Variants in TNS2 observed in about 807,000 individuals in gnomAD.
TNS2 encodes tensin-2.
Under a neutral mutation model 155.7 loss-of-function variants are expected in TNS2, and 77 were observed. That is an observed-to-expected ratio of 0.49 (90% CI 0.41 to 0.60). TNS2 has a LOEUF of 0.60. Ranked by LOEUF, TNS2 falls within the 20% of genes least tolerant of loss-of-function variation. TNS2 has a pLI of 0.00. For synonymous variants in TNS2, 726 were observed against 763.9 expected (o/e 0.95, Z 0.82); for missense variants, 1,703 against 1,868.8 (o/e 0.91, Z 1.64).
intron 1 of TNS2, among the ~76,000 whole-genome samples, chr12:53,051,288 G>A (rs1199789228): frequency 6.6e-6 from 1 of 152,158 alleles, no homozygotes; most frequent in African/African-American, 2.4e-5. Context: ...CACAATTGCT[G>A]TCTGCTGCCT....
rs1379437451 is a variant in TNS2 at position 53,060,801 on chromosome 12, G to T, written c.2895G>T (p.Gly965=). 2 of 1,611,718 alleles carry T rather than the reference G, an allele frequency of 1.2e-6. No homozygotes were observed. Among genetic ancestry groups the T allele is most frequent in the South Asian group, 2.2e-5 (2 of 90,938 alleles). The stretch of plus-strand genomic sequence containing the variant: ...CCCCTGAGCTGCCGTCGGGAAGTGG[G>T]CCTGAGCCTCTGGCCCCTAGCCCAG... ...GKAPELPSGS[G]PEPLAPSPVS... The change falls in exon 20 of 29, where the codon GGG becomes GGT. Residue 965 remains glycine (G), a synonymous_variant. Transcript: ENST00000314250. The surrounding 1 kb of genome is among the most constrained non-coding windows in gnomAD (Gnocchi z 6.1).
rs768928439 is a variant in TNS2 at position 53,055,808 on chromosome 12, G to A, written c.724G>A (p.Val242Ile). The A allele has an allele frequency of 5.6e-6, 9 of 1,614,144 alleles. No individual in the cohort carries two copies. Among genetic ancestry groups the A allele is most frequent in the South Asian group, 2.2e-5 (2 of 91,078 alleles). The change falls in exon 10 of 29, where the codon GTT becomes ATT. Residue 242 changes from valine (V) to isoleucine (I), a missense_variant. Physicochemically the swap from Val to Ile is conservative, Grantham distance 29. Transcript: ENST00000314250. ...KGNKGKLGVI[V>I]SAYMHYSKIS... ...AAACAAGGGCAAGCTTGGGGTCATCGTTTCTGCCTACATGCACTACAGCAA... is the reference window on the plus strand; with the variant it reads ...AAACAAGGGCAAGCTTGGGGTCATCATTTCTGCCTACATGCACTACAGCAA...
At position 53,059,673 on chromosome 12, in the gene TNS2, A is replaced by T; in HGVS notation, c.2032A>T (p.Ile678Phe). The change falls in exon 18 of 29, where the codon ATC becomes TTC. Residue 678 changes from isoleucine to phenylalanine, a missense_variant. Ile to Phe is a conservative substitution (Grantham distance 21, BLOSUM62 0). Coordinates refer to ENST00000314250, the MANE Select transcript of TNS2 (RefSeq NM_170754.4). This position sits in a 1 kb window ranked among gnomAD's most constrained non-coding sequence, Gnocchi z 4.7. ...CGCCCCAGGCTACCGGGAGGTGGTC[A>T]TCCTGGAGGACCCTGGGCTGCCTGC... ...YRAPGYREVV[I>F]LEDPGLPALY... 1 of 1,613,226 alleles carries T rather than the reference A, an allele frequency of 6.2e-7. No individual in the cohort carries two copies.
chr12:53,059,858 G>C lies in TNS2; in HGVS notation c.2217G>C (p.Leu739Phe). 6.2e-7 allele frequency: 1 copy of C among 1,612,958 alleles called. No homozygotes were observed. Residue 739 changes from leucine (L) to phenylalanine (F), a missense_variant, in exon 18 of 29, where the codon TTG (leucine) becomes TTC (phenylalanine). Coordinates refer to ENST00000314250, the MANE Select transcript of TNS2 (RefSeq NM_170754.4). The surrounding 1 kb of genome is among the most constrained non-coding windows in gnomAD (Gnocchi z 4.7). ...CTGGGCACCCGCTGCCTCTGCTCTT[G>C]CCTGCCTGTGGGCATCACCATGCCC... ...VRPGHPLPLLLPACGHHHAPM... is the reference protein window; with the variant it reads ...VRPGHPLPLLFPACGHHHAPM...
chr12:53,056,936 A>G (rs1467726016), intron 10 of TNS2, 77 bp from the exon 11 acceptor site: 2 of 1,378,912 alleles, frequency 1.5e-6, no homozygotes, highest in Non-Finnish European at 2.0e-6. Context: ...TTTCTCCTCC[A>G]TCCCCTGGGG....
At chr12:53,051,821 G>C (rs1449458321) in intron 1 of TNS2, 34 bp from the exon 2 acceptor site, 8 of 1,560,578 alleles carry the variant, frequency 5.1e-6, no homozygotes, top group Non-Finnish European at 7.0e-6. Context: ...GGCCCACTGG[G>C]AACTCACACC....
At position 53,054,331 on chromosome 12, in the gene TNS2, G is replaced by A; in HGVS notation, c.412G>A (p.Glu138Lys). ...RWDLDLTYVT[E>K]RILAAAFPAR... ...GGACTTAGACCTCACCTACGTGACGGAGCGCATCTTGGCCGCCGCCTTCCC... is the reference window on the plus strand; with the variant it reads ...GGACTTAGACCTCACCTACGTGACGAAGCGCATCTTGGCCGCCGCCTTCCC... Residue 138 changes from glutamate to lysine, a missense_variant, in exon 7 of 29, where the codon GAG becomes AAG. Physicochemically the swap from Glu to Lys is moderately conservative, Grantham distance 56 (BLOSUM62 1). Transcript: ENST00000314250. 1 of 1,613,230 alleles carries A rather than the reference G, an allele frequency of 6.2e-7. No homozygotes were observed. Among genetic ancestry groups the A allele is most frequent in the Non-Finnish European group, 8.5e-7 (1 of 1,179,910 alleles).
At chr12:53,048,970 C>G (rs1943822678), upstream of TNS2, 1 of 527,442 alleles carries the variant, frequency 1.9e-6, no homozygotes, top group Non-Finnish European at 3.3e-6. Flanking sequence ...CAAGTGACAG[C>G]TATAGCCTGT....
Position 53,060,665 on chromosome 12 carries a change from C to T in TNS2, c.2769-10C>T. 2 of 1,576,682 alleles carry T rather than the reference C, an allele frequency of 1.3e-6. No homozygotes were observed. The highest frequency in any genetic ancestry group is 1.1e-5 in the South Asian group (1 of 87,680). On this transcript the variant is annotated splice_polypyrimidine_tract_variant and intron_variant, in intron 19 of 28. Coordinates refer to ENST00000314250, the MANE Select transcript of TNS2 (RefSeq NM_170754.4). This position sits in a 1 kb window ranked among gnomAD's most constrained non-coding sequence, Gnocchi z 6.1. ...GGGCTCTGCTGACCATCTGCCCTTCCACCCTACAGCACCCGGCGACAGGAC... is the reference window on the plus strand; with the variant it reads ...GGGCTCTGCTGACCATCTGCCCTTCTACCCTACAGCACCCGGCGACAGGAC...
At chr12:53,053,493 C>G in intron 4 of TNS2, 44 bp downstream of exon 4, 3 of 1,611,872 alleles carry the variant, frequency 1.9e-6, no homozygotes, top group Non-Finnish European at 2.5e-6. Context: ...AGGAACCTGG[C>G]CATGGTGTCC....
chr12:53,064,144 G>A lies in TNS2; in HGVS notation c.*262G>A. ...GAGGGGTGAGGAGGCATCAGCAGTT[G>A]AGCCCCGAAGGAGATCAGGCAGCCC... On this transcript the variant is annotated 3_prime_UTR_variant, in exon 29 of 29. Coordinates refer to ENST00000314250, the MANE Select transcript of TNS2 (RefSeq NM_170754.4). The A allele has an allele frequency of 4.5e-6, 2 of 443,340 alleles. No homozygotes were observed. The highest frequency in any genetic ancestry group is 8.1e-6 in the Non-Finnish European group (2 of 247,070). 27.5% of individuals were successfully genotyped at this position (443,340 alleles called of 1,614,324 possible). A position where few individuals can be genotyped will look rare whatever the true frequency, so the allele number is the denominator to read the frequency against.
chr12:53,059,801 G>A lies in TNS2; in HGVS notation c.2160G>A (p.Glu720=). The A allele has an allele frequency of 3.1e-6, 5 of 1,612,574 alleles. No individual in the cohort carries two copies. Among genetic ancestry groups the A allele is most frequent in the Non-Finnish European group, 4.2e-6 (5 of 1,179,724 alleles). Residue 720 remains glutamate (E), a synonymous_variant, in exon 18 of 29, where the codon GAG becomes GAA. Transcript: ENST00000314250. The surrounding 1 kb of genome is among the most constrained non-coding windows in gnomAD (Gnocchi z 4.7). ...AGGCTGGAGAAGGGTGGGCAAGTGA[G>A]GCTGGCAAGCCTCTCCTGCACCCAG... ...EREAGEGWAS[E]AGKPLLHPVR...
chr12:53,062,826 C>A, intron 25 of TNS2, 129 bp downstream of exon 25: 1 of 1,181,340 alleles, frequency 8.5e-7, no homozygotes, highest in Non-Finnish European at 1.2e-6. Context: ...CAGGGGAGCC[C>A]CATACTGTCG....
Position 53,063,350 on chromosome 12 carries a change from C to T in TNS2, c.3994C>T (p.Leu1332Phe). 1.2e-6 allele frequency: 2 copies of T among 1,614,058 alleles called. No homozygotes were observed. Among genetic ancestry groups the T allele is most frequent in the South Asian group, 1.1e-5 (1 of 91,084 alleles). ...CCTTCCTCACCCTCCTCCTTGCAGG[C>T]TCTTCTTTCGCCGCCATTATCCAGT... ...GITLTDNQRK[L>F]FFRRHYPVNS... Residue 1332 changes from leucine (L) to phenylalanine (F), a missense_variant and splice_region_variant, in exon 27 of 29, where the codon CTC becomes TTC. By Grantham distance (22) the Leu-to-Phe change is conservative (BLOSUM62 0). Coordinates refer to ENST00000314250, the MANE Select transcript of TNS2 (RefSeq NM_170754.4). This position sits in a 1 kb window ranked among gnomAD's most constrained non-coding sequence, Gnocchi z 5.6.
chr12:53,060,147 C>T lies in TNS2; in HGVS notation c.2506C>T (p.Pro836Ser). 2 of 1,609,772 alleles carry T rather than the reference C, an allele frequency of 1.2e-6. No homozygotes were observed. Among genetic ancestry groups the T allele is most frequent in the Non-Finnish European group, 8.5e-7 (1 of 1,178,056 alleles). The change falls in exon 18 of 29, where the codon CCG becomes TCG. Residue 836 changes from proline (P) to serine (S), a missense_variant. By Grantham distance (74) the Pro-to-Ser change is moderately conservative. Transcript: ENST00000314250. The surrounding 1 kb of genome is among the most constrained non-coding windows in gnomAD (Gnocchi z 6.1). ...PRAGSISPGSPPYPQSRKLSY... is the reference protein window; with the variant it reads ...PRAGSISPGSSPYPQSRKLSY... ...GGCTGGCTCCATTTCCCCGGGCAGC[C>T]CGCCCTATCCACAATCTAGGAAGCT... is the stretch of plus-strand genomic sequence containing the variant.
chr12:53,061,569 C>A, intron 21 of TNS2, 100 bp downstream of exon 21: 2 of 1,416,056 alleles, frequency 1.4e-6, no homozygotes, highest in Non-Finnish European at 2.0e-6. Context: ...CTCCTCCTGT[C>A]TGAGCTGTGT....
At position 53,058,098 on chromosome 12, in the gene TNS2, T is replaced by A; in HGVS notation, c.1091T>A (p.Val364Asp). ...CCAGCCCTCCTCCTCAAAGGCGATG[T>A]CATGGTGAGGGGGGTCCTGTCAACA... ...LEPALLLKGD[V>D]MVTCYHKGGR... Residue 364 changes from valine (V) to aspartate (D), a missense_variant, in exon 14 of 29, where the codon GTC (valine) becomes GAC (aspartate). Coordinates refer to ENST00000314250, the MANE Select transcript of TNS2 (RefSeq NM_170754.4). 1 of 1,614,150 alleles carries A rather than the reference T, an allele frequency of 6.2e-7. No homozygotes were observed. The highest frequency in any genetic ancestry group is 8.5e-7 in the Non-Finnish European group (1 of 1,180,008).
At position 53,063,899 on chromosome 12, in the gene TNS2, C is replaced by G. The variant is rs1183773835; in HGVS notation, c.*17C>G. The G allele has an allele frequency of 6.2e-7, 1 of 1,613,170 alleles. No homozygotes were observed. The highest frequency in any genetic ancestry group is 1.7e-5 in the Admixed American group (1 of 59,986). On this transcript the variant is annotated 3_prime_UTR_variant, in exon 29 of 29. Coordinates refer to ENST00000314250, the MANE Select transcript of TNS2 (RefSeq NM_170754.4). The surrounding 1 kb of genome is among the most constrained non-coding windows in gnomAD (Gnocchi z 5.6). ...AGAAAATGAAGGAAGGCCACAAGCTCAGAGCCCACATCAACACTGCCCCCC... is the reference window on the plus strand; with the variant it reads ...AGAAAATGAAGGAAGGCCACAAGCTGAGAGCCCACATCAACACTGCCCCCC...
At chr12:53,052,080 C>T in intron 2 of TNS2, 117 bp downstream of exon 2, 1 of 891,492 alleles carries the variant, frequency 1.1e-6, no homozygotes, top group South Asian at 1.7e-5. Context: ...GGATTAGGCA[C>T]AATGGCAGCT....
Sources: allele counts gnomAD v4.1 joint callset (sites outside exome capture counted in the v4.1 genomes callset), GRCh38; gene constraint gnomAD v4.1.1; non-coding constraint Gnocchi (gnomAD v3.1); transcripts MANE v1.5; gene names NCBI Gene and HGNC (gene_info 2026-07-23, HGNC 2026-07-21).